RNMT: variants seen among roughly 807,000 people sequenced by gnomAD.
RNMT encodes RNA guanine-7 methyltransferase, also known as mRNA cap guanine-N(7) methyltransferase.
A neutral mutation model predicts 56.0 loss-of-function variants in RNMT; 27 were observed. That is an observed-to-expected ratio of 0.48 (90% confidence interval 0.36 to 0.67). The LOEUF is 0.67. RNMT is among the 30% of genes least tolerant of loss of function. The pLI is 0.00. For synonymous variants in RNMT, 184 were observed against 176.2 expected (o/e 1.04, Z -0.35); for missense variants, 519 against 552.1 (o/e 0.94, Z 0.60).
In RNMT at chr18:13,760,003, G is replaced by T. The variant is rs1296468463; in HGVS notation, c.*24G>T. On this transcript the variant is annotated 3_prime_UTR_variant, in exon 12 of 12. Coordinates refer to ENST00000383314, the MANE Select transcript of RNMT (RefSeq NM_003799.3). ...GAGCACATAGGCAGTAGTCCCAGAG[G>T]GGCCGTGTTCTGTCCTGCACAAATT... 1 of 1,612,316 alleles carries T rather than the reference G, an allele frequency of 6.2e-7. No homozygotes were observed. The highest frequency in any genetic ancestry group is 8.5e-7 in the Non-Finnish European group (1 of 1,178,940).
chr18:13,743,227 G>T, intron 8 of RNMT, among the ~76,000 whole-genome samples: 1 of 151,070 alleles, frequency 6.6e-6, no homozygotes, highest in East Asian at 1.9e-4. Context: ...GGAGGCTGAG[G>T]CAGGAGAATG....
In RNMT at chr18:13,760,237, T is replaced by C; in HGVS notation, c.*258T>C. The stretch of plus-strand genomic sequence containing the variant: ...ATGTTCTAAGAATTCCATTTGCCTC[T>C]ATGATCTTAGCTCATAAAAATATAA... On this transcript the variant is annotated 3_prime_UTR_variant, in exon 12 of 12. Transcript: ENST00000383314. The C allele has an allele frequency of 8.4e-7, 1 of 1,189,376 alleles. No individual in the cohort carries two copies. The highest frequency in any genetic ancestry group is 1.0e-6 in the Non-Finnish European group (1 of 958,838). The allele number at this position is 1,189,376 out of a possible 1,614,324, so 73.7% of individuals were successfully genotyped here.
chr18:13,735,817 T>C (rs8095875), intron 4 of RNMT, among the ~76,000 whole-genome samples: 139,447 of 152,188 alleles, frequency 0.92, 64,079 homozygotes, highest in African/African-American at 0.98. Flanking sequence ...TTCTTTCCTT[T>C]TTCAGCTGTT....
rs117901238 is a variant in RNMT, at chr18:13,727,333, T to C, written c.-172+604T>C. Among the ~76,000 whole-genome samples, 1,299 of 152,348 alleles carry C rather than the reference T, an allele frequency of 8.5e-3. 10 individuals carry two copies. The highest frequency in any genetic ancestry group is 0.015 in the Non-Finnish European group (994 of 68,028). On this transcript the variant is annotated intron_variant, in intron 1 of 11. Transcript: ENST00000383314. ...GGGTCGAAATGTTCGTGTGGTTATTTATCGCGTGTCCATCTCCATGTCAGT... is the reference window on the plus strand; with the variant it reads ...GGGTCGAAATGTTCGTGTGGTTATTCATCGCGTGTCCATCTCCATGTCAGT...
rs757768815 is a variant in RNMT, at chr18:13,731,848, G to C, written c.331G>C (p.Asp111His). 1 of 1,612,918 alleles carries C rather than the reference G, an allele frequency of 6.2e-7. No homozygotes were observed. The highest frequency in any genetic ancestry group is 8.5e-7 in the Non-Finnish European group (1 of 1,179,754). ...NSKKRKRETE[D>H]VPKDKSSTGD... ...AAAGAAAAGAAAAAGAGAAACTGAG[G>C]ATGTTCCAAAAGATAAATCTTCTAC... Residue 111 changes from aspartate to histidine, a missense_variant, in exon 3 of 12, where the codon GAT (aspartate) becomes CAT (histidine). Transcript: ENST00000383314.
chr18:13,728,848 T>C (rs1329280159), intron 1 of RNMT, among the ~76,000 whole-genome samples: 2 of 152,168 alleles, frequency 1.3e-5, no homozygotes, highest in African/African-American at 2.4e-5. Context: ...TTTTTGCTAT[T>C]GAGTTGAGTT....
intron 8 of RNMT, among the ~76,000 whole-genome samples, chr18:13,744,818 A>T (rs1409909647): frequency 2.0e-5 from 3 of 152,110 alleles, no homozygotes; most frequent in African/African-American, 7.2e-5. Context: ...CTCTTCCTTT[A>T]ACTGCTGCCT....
intron 11 of RNMT, among the ~76,000 whole-genome samples, chr18:13,754,640 C>T (rs1291773605): frequency 6.6e-6 from 1 of 152,194 alleles, no homozygotes; most frequent in South Asian, 2.1e-4. Flanking sequence ...AGAGAAGATA[C>T]ACTGTACACA....
chr18:13,743,360 A>AG (rs1363329534), intron 8 of RNMT, among the ~76,000 whole-genome samples: 1 of 151,006 alleles, frequency 6.6e-6, no homozygotes, highest in African/African-American at 2.4e-5. Flanking sequence ...AAATAAATAA[A>AG]TAAATAAATA....
chr18:13,761,915 C>T lies in RNMT; in HGVS notation c.*1936C>T, dbSNP rs2044625077. ...AAGTTTCTGGATATTGACTTAAGAA[C>T]TGTTAGGAAGAGGACTAGAAAAGGC... is the stretch of plus-strand genomic sequence containing the variant. On this transcript the variant is annotated 3_prime_UTR_variant, in exon 12 of 12. Coordinates refer to ENST00000383314, the MANE Select transcript of RNMT (RefSeq NM_003799.3). 4 of 1,187,830 alleles carry T rather than the reference C, an allele frequency of 3.4e-6. No homozygotes were observed. The highest frequency in any genetic ancestry group is 3.5e-4 in the Middle Eastern group (1 of 2,874). The allele number at this position is 1,187,830 out of a possible 1,614,324, so 73.6% of individuals were successfully genotyped here.
At chr18:13,740,787 A>C (rs945898590) in intron 6 of RNMT, among the ~76,000 whole-genome samples, 1 of 152,148 alleles carries the variant, frequency 6.6e-6, no homozygotes, top group African/African-American at 2.4e-5. Context: ...AATACTTGTA[A>C]TTTTTTGCTT....
intron 4 of RNMT, among the ~76,000 whole-genome samples, chr18:13,735,657 T>C (rs1395098368): frequency 2.0e-5 from 3 of 152,180 alleles, no homozygotes; most frequent in African/African-American, 7.2e-5. Context: ...GAATACTTAT[T>C]TATTCATGTA....
rs1211302173 is a variant in RNMT, at chr18:13,743,338, AAATAAAT to A, written c.1139+689_1139+695del. ...ACTCCGTCTCAAAAAAAAAATAAATAAATAAATAAATAAATAAATAAATAAATAAATA... is the reference window on the plus strand; with the variant it reads ...ACTCCGTCTCAAAAAAAAAATAAATAAAATAAATAAATAAATAAATAAATA... On this transcript the variant is annotated intron_variant, in intron 8 of 11. Transcript: ENST00000383314. 7.9e-3 allele frequency among the ~76,000 whole-genome samples: 71 copies of A among 8,974 alleles called. 3 individuals are homozygous for A. In the East Asian group the frequency reaches 0.13, roughly 16 times the overall value. 5.9% of individuals were successfully genotyped at this position (8,974 alleles called of 152,430 possible).
At chr18:13,745,389 G>A (rs577794370) in intron 8 of RNMT, among the ~76,000 whole-genome samples, 1 of 152,330 alleles carries the variant, frequency 6.6e-6, no homozygotes, top group East Asian at 1.9e-4. Flanking sequence ...CAGCAGGATG[G>A]TGCCAAATGC....
chr18:13,737,063 G>T lies in RNMT; in HGVS notation c.607G>T (p.Asp203Tyr). 1.9e-6 allele frequency: 3 copies of T among 1,613,500 alleles called. No individual in the cohort carries two copies. The South Asian group carries it at 3.3e-5, about 18-fold the overall frequency. ...QKKKRDITVL[D>Y]LGCGKGGDLL... ...GAAAAAACGTGATATCACTGTTTTG[G>T]ACCTGGGATGTGGTAAAGGTGGAGA... is the stretch of plus-strand genomic sequence containing the variant. Residue 203 changes from aspartate (D) to tyrosine (Y), a missense_variant, in exon 5 of 12, where the codon GAC becomes TAC. Coordinates refer to ENST00000383314, the MANE Select transcript of RNMT (RefSeq NM_003799.3).
At chr18:13,756,261 A>G (rs916577849) in intron 11 of RNMT, among the ~76,000 whole-genome samples, 1 of 152,220 alleles carries the variant, frequency 6.6e-6, no homozygotes, top group Non-Finnish European at 1.5e-5. Flanking sequence ...GCCTGCATAG[A>G]AGGCATTTTA....
chr18:13,727,820 A>T (rs2043987943), intron 1 of RNMT, among the ~76,000 whole-genome samples: 1 of 152,106 alleles, frequency 6.6e-6, no homozygotes, highest in Non-Finnish European at 1.5e-5. Context: ...CCACATTTTT[A>T]GCTCCCACAT....
At position 13,762,312 on chromosome 18, in the gene RNMT, A is replaced by T; in HGVS notation, c.*2333A>T. 2.2e-6 allele frequency: 2 copies of T among 893,680 alleles called. No individual in the cohort carries two copies. Among genetic ancestry groups the T allele is most frequent in the South Asian group, 3.5e-5 (2 of 56,344 alleles). The allele number at this position is 893,680 out of a possible 1,614,324, so 55.4% of individuals were successfully genotyped here. ...GGGCCTAGAATATACTTGAGAAAGC[A>T]CTAGTGGCTTGTGTTCAGGGAGAGG... is the stretch of plus-strand genomic sequence containing the variant. On this transcript the variant is annotated 3_prime_UTR_variant, in exon 12 of 12. Coordinates refer to ENST00000383314, the MANE Select transcript of RNMT (RefSeq NM_003799.3).
rs1287669155 is a variant in RNMT at position 13,736,739 on chromosome 18, A to C, written c.554-271A>C. Among the ~76,000 whole-genome samples the C allele has an allele frequency of 2.0e-5, 3 of 152,198 alleles. No individual in the cohort carries two copies. The East Asian group carries it at 5.8e-4, about 29-fold the overall frequency. On this transcript the variant is annotated intron_variant, in intron 4 of 11. Coordinates refer to ENST00000383314, the MANE Select transcript of RNMT (RefSeq NM_003799.3). ...TATATTAGAATTTTAAATATCTGCT[A>C]TTTAAAATTCATTTTTGAAAGTTAA... is the stretch of plus-strand genomic sequence containing the variant.
Sources: gnomAD v4.1 joint callset for allele counts (sites outside exome capture counted in the v4.1 genomes callset) on GRCh38, gnomAD v4.1.1 for gene constraint, MANE v1.5 for transcripts, NCBI Gene and HGNC (gene_info 2026-07-23, HGNC 2026-07-21) for gene names.